Variants in GAD1 observed in about 807,000 individuals in gnomAD.
GAD1 encodes the protein 67 kDa glutamic acid decarboxylase.
Under a neutral mutation model 75.2 loss-of-function variants are expected in GAD1, and 35 were observed. The observed-to-expected ratio is 0.47, with a 90% CI of 0.36 to 0.62. The LOEUF (loss-of-function observed/expected upper bound fraction) is 0.62. Ranked by LOEUF, GAD1 falls within the 20% of genes least tolerant of loss-of-function variation. The pLI is 0.00. For synonymous variants in GAD1, 257 were observed against 271.9 expected, an observed-to-expected ratio of 0.95 and a Z score of 0.54; for missense variants, 490 against 758.5, an observed-to-expected ratio of 0.65 and a Z score of 4.16.
At position 170,846,051 on chromosome 2, in the gene GAD1, A is replaced by T; in HGVS notation, c.990A>T (p.Glu330Asp). 2 of 1,613,668 alleles carry T rather than the reference A, an allele frequency of 1.2e-6. No homozygotes were observed. The highest frequency in any genetic ancestry group is 1.7e-6 in the Non-Finnish European group (2 of 1,179,588). ...CTGATTTTGAGGCAAAAATTCTTGAAGCCAAACAGAAGGTATGTACTCCGT... is the reference window on the plus strand; with the variant it reads ...CTGATTTTGAGGCAAAAATTCTTGATGCCAAACAGAAGGTATGTACTCCGT... ...IPADFEAKIL[E>D]AKQKGYVPFY... The change falls in exon 10 of 17, where the codon GAA becomes GAT. Residue 330 changes from glutamate (E) to aspartate (D), a missense_variant. Around this residue, in one of 3 missense-constraint regions of GAD1, gnomAD observed 324 missense variants for 523.9 expected, o/e 0.62. Transcript: ENST00000358196.
intron 4 of GAD1, 48 bp downstream of exon 4, chr2:170,829,681 T>C (rs922071176): frequency 6.3e-7 from 1 of 1,592,854 alleles, no homozygotes; most frequent in African/African-American, 1.3e-5. Flanking sequence ...AGATTTCTTA[T>C]TTGAGTTTCT....
chr2:170,825,268 A>G (rs1013834103), intron 3 of GAD1, among the ~76,000 whole-genome samples: 3 of 152,154 alleles, frequency 2.0e-5, no homozygotes, highest in Admixed American at 6.5e-5. Flanking sequence ...ACATAGCTGC[A>G]GTCCTAGCTA....
At chr2:170,847,890 C>G (rs1018288020) in intron 11 of GAD1, 98 bp downstream of exon 11, 24 of 804,278 alleles carry the variant, frequency 3.0e-5, no homozygotes, top group Middle Eastern at 2.5e-4. Context: ...AGCCAGCCCT[C>G]TCTCCACACC....
upstream of GAD1, among the ~76,000 whole-genome samples, chr2:170,814,001 C>T (rs991844841): frequency 1.3e-5 from 2 of 152,210 alleles, no homozygotes; most frequent in Admixed American, 1.3e-4. Flanking sequence ...GGACACCACT[C>T]CCTTCCGGGC....
In GAD1 at chr2:170,853,845, G is replaced by A; in HGVS notation, c.1264-28G>A. 6.2e-7 allele frequency: 1 copy of A among 1,613,500 alleles called. No homozygotes were observed. Among genetic ancestry groups the A allele is most frequent in the Non-Finnish European group, 8.5e-7 (1 of 1,179,500 alleles). On this transcript the variant is annotated intron_variant, in intron 13 of 16. Transcript: ENST00000358196. The surrounding 1 kb of genome is among the most constrained non-coding windows in gnomAD (Gnocchi z 4.1). ...CCCACATCTCTGATGTGTAAATGCAGATGCACCCATCTTAATTTCCATGAT... is the reference window on the plus strand; with the variant it reads ...CCCACATCTCTGATGTGTAAATGCAAATGCACCCATCTTAATTTCCATGAT...
At chr2:170,831,594 A>ATATG (rs1491335706) in intron 5 of GAD1, among the ~76,000 whole-genome samples, 1 of 122,804 alleles carries the variant, frequency 8.1e-6, no homozygotes, top group African/African-American at 3.1e-5. Flanking sequence ...GTCTCTACAT[A>ATATG]TGTGTGTGTG....
rs182824071 is a variant in GAD1, at chr2:170,860,124, A to G, written c.*242A>G. 19 of 502,314 alleles carry G rather than the reference A, an allele frequency of 3.8e-5. No homozygotes were observed. The East Asian group carries it at 7.0e-4, about 19-fold the overall frequency. 31.1% of individuals were successfully genotyped at this position (502,314 alleles called of 1,614,324 possible). On this transcript the variant is annotated 3_prime_UTR_variant, in exon 17 of 17. Transcript: ENST00000358196. ...TGTACAGTTATACATACCTCTCTCT[A>G]TATATACATGTATAGTGAGTGTGGC...
intron 5 of GAD1, 80 bp from the exon 6 acceptor site, chr2:170,836,713 C>A (rs1328863899): frequency 2.2e-6 from 2 of 922,422 alleles, no homozygotes; most frequent in East Asian, 2.4e-5. Flanking sequence ...ATCAGTGTGA[C>A]CCAGTGGGGC....
chr2:170,857,080 C>G lies in GAD1; in HGVS notation c.1476C>G (p.Ala492=). The G allele has an allele frequency of 6.2e-7, 1 of 1,613,818 alleles. No individual in the cohort carries two copies. The highest frequency in any genetic ancestry group is 8.5e-7 in the Non-Finnish European group (1 of 1,179,922). ...KCLELAEYLY[A]KIKNREEFEM... is the part of the protein sequence containing the mutation. The stretch of plus-strand genomic sequence containing the variant: ...TGGAACTGGCTGAATACCTCTATGC[C>G]AAGATTAAAAACAGAGAAGAATTTG... The change falls in exon 15 of 17, where the codon GCC becomes GCG. Residue 492 remains alanine (A), a synonymous_variant. Transcript: ENST00000358196.
rs1343450314 is a variant in GAD1, at chr2:170,818,858, C to G, written c.82+185C>G. ...GGCTGTCAGGGACGCTAGGTGACTC[C>G]CAGGGCACCGGAAAGCGAGGACCAC... On this transcript the variant is annotated intron_variant, in intron 2 of 16. Coordinates refer to ENST00000358196, the MANE Select transcript of GAD1 (RefSeq NM_000817.3). This position sits in a 1 kb window ranked among gnomAD's most constrained non-coding sequence, Gnocchi z 5.9. Among the ~76,000 whole-genome samples, 3 of 152,174 alleles carry G rather than the reference C, an allele frequency of 2.0e-5. No homozygotes were observed. Among genetic ancestry groups the G allele is most frequent in the Non-Finnish European group, 4.4e-5 (3 of 68,040 alleles).
Position 170,853,784 on chromosome 2 carries a change from A to C in GAD1, c.1264-89A>C. 1.5e-6 allele frequency: 2 copies of C among 1,312,152 alleles called. No homozygotes were observed. Among genetic ancestry groups the C allele is most frequent in the South Asian group, 2.4e-5 (2 of 84,374 alleles). 81.3% of individuals were successfully genotyped at this position (1,312,152 alleles called of 1,614,324 possible). A position where few individuals can be genotyped will look rare whatever the true frequency, so the allele number is the denominator to read the frequency against. On this transcript the variant is annotated intron_variant, in intron 13 of 16. Coordinates refer to ENST00000358196, the MANE Select transcript of GAD1 (RefSeq NM_000817.3). This position sits in a 1 kb window ranked among gnomAD's most constrained non-coding sequence, Gnocchi z 4.1. ...CAGAAGAAAGATTGCATATGACCCC[A>C]AGCCCCTCCTTCCAAGCAGCCTAGT...
chr2:170,858,932 T>C, intron 16 of GAD1, 39 bp downstream of exon 16: 1 of 1,541,842 alleles, frequency 6.5e-7, no homozygotes, highest in Non-Finnish European at 9.0e-7. Context: ...TCCTCTGCAA[T>C]TTCTCTGGCT....
chr2:170,843,895 A>G, intron 6 of GAD1, 150 bp from the exon 7 acceptor site: 1 of 649,658 alleles, frequency 1.5e-6, no homozygotes, highest in African/African-American at 1.8e-5. Flanking sequence ...CGGCGACTTA[A>G]TGCATTTCCA....
rs1222790399 is a variant in GAD1 at position 170,846,073 on chromosome 2, C to G, written c.1002+10C>G. ...TGAAGCCAAACAGAAGGTATGTACT[C>G]CGTGGTGCATCTGAACTCCAGTTTT... On this transcript the variant is annotated intron_variant, in intron 10 of 16. Coordinates refer to ENST00000358196, the MANE Select transcript of GAD1 (RefSeq NM_000817.3). 1 of 1,609,322 alleles carries G rather than the reference C, an allele frequency of 6.2e-7. No homozygotes were observed. The highest frequency in any genetic ancestry group is 1.1e-5 in the South Asian group (1 of 90,996).
chr2:170,848,496 CAAAA>C (rs368907107), intron 11 of GAD1, among the ~76,000 whole-genome samples: 9 of 64,080 alleles, frequency 1.4e-4, no homozygotes, highest in East Asian at 3.3e-4. Flanking sequence ...AACTCTGTCT[CAAAA>C]AAAAAAAAAA....
intron 12 of GAD1, 117 bp from the exon 13 acceptor site, chr2:170,852,597 G>C (rs1559285441): frequency 1.2e-6 from 1 of 835,182 alleles, no homozygotes; most frequent in African/African-American, 1.7e-5. Context: ...AGTCAATTCA[G>C]GAGAATAGGC....
intron 6 of GAD1, chr2:170,842,761 C>A (rs1702544907): frequency 6.6e-7 from 1 of 1,504,860 alleles, no homozygotes. Context: ...ACCAACATAT[C>A]TGAGGATCCT....
chr2:170,814,176 C>T (rs992885759), upstream of GAD1, among the ~76,000 whole-genome samples: 1 of 152,180 alleles, frequency 6.6e-6, no homozygotes, highest in Admixed American at 6.5e-5. Flanking sequence ...CAACCACGGC[C>T]ACTCTTAGTT....
chr2:170,831,236 T>A (rs1409596595), intron 5 of GAD1, 44 bp downstream of exon 5: 2 of 1,605,690 alleles, frequency 1.2e-6, no homozygotes, highest in Non-Finnish European at 1.7e-6. Flanking sequence ...AACTTTGCCC[T>A]CCATCTCACC....
Sources: gnomAD v4.1 joint callset for allele counts (sites outside exome capture counted in the v4.1 genomes callset) on GRCh38, gnomAD v4.1.1 for gene constraint, gnomAD v4.1.1 regional missense constraint, Gnocchi (gnomAD v3.1) non-coding constraint, MANE v1.5 for transcripts, NCBI Gene and HGNC (gene_info 2026-07-23, HGNC 2026-07-21) for gene names.